Variants in COA6 observed in about 807,000 individuals in gnomAD.
COA6 encodes the protein cytochrome c oxidase assembly factor 6, also known as cytochrome c oxidase assembly factor 6 homolog.
In COA6, 12 loss-of-function variants were observed where a neutral mutation model predicts 17.1. The observed-to-expected ratio is 0.70, with a 90% CI of 0.45 to 1.14. COA6 has a LOEUF of 1.14. Ranked by LOEUF, COA6 falls within the 50% of genes most tolerant of loss-of-function variation. The pLI is 0.00. For missense variants in COA6, 246 were observed against 196.5 expected, an observed-to-expected ratio of 1.25 and a Z score of -1.51; for synonymous variants, 90 against 73.4, an observed-to-expected ratio of 1.23 and a Z score of -1.16.
At chr1:234,374,047 C>A in intron 1 of COA6, 183 bp from the exon 2 acceptor site, 1 of 869,998 alleles carries the variant, frequency 1.1e-6, no homozygotes, top group Non-Finnish European at 1.7e-6. Context: ...CTTATGCTGC[C>A]ACTGAGAACT....
chr1:234,378,836 G>GTT, intron 2 of COA6, among the ~76,000 whole-genome samples: 1 of 151,754 alleles, frequency 6.6e-6, no homozygotes, highest in Non-Finnish European at 1.5e-5. Flanking sequence ...TTATGCCACT[G>GTT]CACTCCAGCC....
At chr1:234,382,390 CA>C (rs1659001351) in intron 2 of COA6, among the ~76,000 whole-genome samples, 1 of 152,160 alleles carries the variant, frequency 6.6e-6, no homozygotes. Context: ...CTTCAAACAG[CA>C]AATTTCTGGT....
intron 1 of COA6, 167 bp downstream of exon 1, chr1:234,373,845 G>C: frequency 6.2e-7 from 1 of 1,613,010 alleles, no homozygotes; most frequent in East Asian, 2.2e-5. Context: ...GCTTAGGTTC[G>C]AACAGTAACC....
At chr1:234,383,031 G>GAGAAGA (rs1250446978) in intron 2 of COA6, among the ~76,000 whole-genome samples, 1 of 30,882 alleles carries the variant, frequency 3.2e-5, no homozygotes, top group African/African-American at 2.9e-4. Context: ...GAGAGAGAGA[G>GAGAAGA]AAGGAAGGGA....
chr1:234,379,037 C>T (rs1345032969), intron 2 of COA6, among the ~76,000 whole-genome samples: 1 of 142,446 alleles, frequency 7.0e-6, no homozygotes, highest in Non-Finnish European at 1.5e-5. Flanking sequence ...CAGACAGTCT[C>T]ACTCTGTTGC....
chr1:234,374,193 G>A (rs1658713479), intron 1 of COA6, 37 bp from the exon 2 acceptor site: 3 of 1,575,602 alleles, frequency 1.9e-6, no homozygotes, highest in South Asian at 2.3e-5. Context: ...AGATTACAAA[G>A]TTCATTGTTA....
chr1:234,374,366 G>A lies in COA6; in HGVS notation c.349G>A (p.Glu117Lys), dbSNP rs146440690. 5 of 1,613,840 alleles carry A rather than the reference G, an allele frequency of 3.1e-6. No homozygotes were observed. The highest frequency in any genetic ancestry group is 1.3e-5 in the African/African-American group (1 of 74,874). Reference protein sequence around the residue: ...SQCKKLRSSFESSCPQQWIKY... With the variant: ...SQCKKLRSSFKSSCPQQWIKY... ...ATGCAAGAAGTTAAGAAGCTCTTTC[G>A]AATCAAGTTGTCCCCAACAGTGGGT... The change falls in exon 2 of 3, where the codon GAA becomes AAA. Residue 117 changes from glutamate to lysine, a missense_variant. Coordinates refer to ENST00000366615, the MANE Select transcript of COA6 (RefSeq NM_001206641.3).
At chr1:234,379,137 C>G (rs1658897628) in intron 2 of COA6, among the ~76,000 whole-genome samples, 1 of 151,562 alleles carries the variant, frequency 6.6e-6, no homozygotes, top group Admixed American at 6.6e-5. Context: ...ATCTCAGCCT[C>G]CCAAAGAGCT....
intron 2 of COA6, among the ~76,000 whole-genome samples, chr1:234,379,878 T>A (rs1572173294): frequency 6.6e-6 from 1 of 152,306 alleles, no homozygotes; most frequent in South Asian, 2.1e-4. Context: ...CTTCACCTGG[T>A]CTCTCCCTTG....
At position 234,373,918 on chromosome 1, in the gene COA6, G is replaced by A. The variant is rs561452977; in HGVS notation, c.212+240G>A. The A allele has an allele frequency of 2.1e-5, 32 of 1,510,562 alleles. 1 individual carries two copies. In the Admixed American group the frequency reaches 3.3e-4, roughly 15 times the overall value. 93.6% of individuals were successfully genotyped at this position (1,510,562 alleles called of 1,614,324 possible). A position where few individuals can be genotyped will look rare whatever the true frequency, so the allele number is the denominator to read the frequency against. On this transcript the variant is annotated intron_variant, in intron 1 of 2. Coordinates refer to ENST00000366615, the MANE Select transcript of COA6 (RefSeq NM_001206641.3). ...GGAAACGGGCTCGGAGAGAATAAAT[G>A]AGCTGCCCTAAGCGACTGGGACAGA...
intron 2 of COA6, among the ~76,000 whole-genome samples, chr1:234,375,742 C>T (rs1433572635): frequency 6.6e-6 from 1 of 152,162 alleles, no homozygotes; most frequent in Non-Finnish European, 1.5e-5. Flanking sequence ...CAGCCTTGAC[C>T]TCCTGGCCTC....
intron 2 of COA6, among the ~76,000 whole-genome samples, chr1:234,375,952 T>G (rs1027588774): frequency 6.6e-6 from 1 of 152,228 alleles, no homozygotes; most frequent in Non-Finnish European, 1.5e-5. Flanking sequence ...TCACCACGTC[T>G]GGCCAGGCAT....
chr1:234,373,815 C>A (rs140821309), intron 1 of COA6, 137 bp downstream of exon 1: 13 of 1,613,524 alleles, frequency 8.1e-6, no homozygotes, highest in Non-Finnish European at 1.7e-6. Context: ...TTGTGGCCCC[C>A]ACACACCTGT....
intron 2 of COA6, among the ~76,000 whole-genome samples, chr1:234,380,868 C>T (rs973475846): frequency 6.6e-6 from 1 of 152,180 alleles, no homozygotes; most frequent in African/African-American, 2.4e-5. Context: ...GGCGCGGTGG[C>T]ACGCGCCTGT....
In COA6 at chr1:234,377,133, T is replaced by TTGTTGTTGTTG. The variant is rs1553268494; in HGVS notation, c.372+2745_372+2746insGTTGTTGTTGT. ...CTCTGTCTCCTCTTTTTTTGTTTTTTTTGTTGTTGTTGAGACAGAGTCTCA... is the reference window on the plus strand; with the variant it reads ...CTCTGTCTCCTCTTTTTTTGTTTTTTTGTTGTTGTTGTTGTTGTTGTTGAGACAGAGTCTCA... On this transcript the variant is annotated intron_variant, in intron 2 of 2. Transcript: ENST00000366615. Among the ~76,000 whole-genome samples the TTGTTGTTGTTG allele has an allele frequency of 4.3e-5, 3 of 69,546 alleles. 1 individual carries two copies. The highest frequency in any genetic ancestry group is 2.8e-4 in the African/African-American group (3 of 10,902). 45.6% of individuals were successfully genotyped at this position (69,546 alleles called of 152,430 possible).
intron 2 of COA6, among the ~76,000 whole-genome samples, chr1:234,374,758 G>A (rs1385481825): frequency 6.6e-6 from 1 of 152,094 alleles, no homozygotes; most frequent in Non-Finnish European, 1.5e-5. Flanking sequence ...AGCATTCCCA[G>A]TTGCTCACCC....
chr1:234,383,599 A>ACAG, intron 2 of COA6, 124 bp from the exon 3 acceptor site: 1 of 538,592 alleles, frequency 1.9e-6, no homozygotes, highest in Non-Finnish European at 3.3e-6. Context: ...CACACACACA[A>ACAG]AATGGTTCTA....
intron 2 of COA6, among the ~76,000 whole-genome samples, chr1:234,375,630 C>G (rs533014986): frequency 9.9e-5 from 15 of 152,258 alleles, no homozygotes; most frequent in African/African-American, 3.6e-4. Flanking sequence ...GGGATGAACA[C>G]AGTGAACAGA....
At chr1:234,377,754 G>A (rs1658851215) in intron 2 of COA6, among the ~76,000 whole-genome samples, 1 of 152,196 alleles carries the variant, frequency 6.6e-6, no homozygotes, top group Non-Finnish European at 1.5e-5. Flanking sequence ...TGGAGAAGGG[G>A]GCAGCCATCT....
Sources: gnomAD v4.1 joint callset for allele counts (sites outside exome capture counted in the v4.1 genomes callset) on GRCh38, gnomAD v4.1.1 for gene constraint, MANE v1.5 for transcripts, NCBI Gene and HGNC (gene_info 2026-07-23, HGNC 2026-07-21) for gene names.